Variants in ADAMTS12 observed in about 807,000 individuals in gnomAD.
The protein encoded by ADAMTS12 is ADAM metallopeptidase with thrombospondin type 1 motif 12.
Under a neutral mutation model 167.8 loss-of-function variants are expected in ADAMTS12, and 118 were observed. That is an observed-to-expected ratio of 0.70 (90% CI 0.61 to 0.82). The LOEUF (loss-of-function observed/expected upper bound fraction) is 0.82. ADAMTS12 is among the 40% of genes least tolerant of loss of function. The pLI is 0.00. For synonymous variants in ADAMTS12, 704 were observed against 716.9 expected (o/e 0.98, Z 0.29); for missense variants, 1,916 against 1,998.8 (o/e 0.96, Z 0.79).
At chr5:33,664,614 C>A in intron 5 of ADAMTS12, among the ~76,000 whole-genome samples, 1 of 152,044 alleles carries the variant, frequency 6.6e-6, no homozygotes, top group East Asian at 1.9e-4. Context: ...TCGTCTCATA[C>A]CTGTTAAAGT....
At chr5:33,557,253 TG>T (rs769455447) in intron 20 of ADAMTS12, among the ~76,000 whole-genome samples, 9 of 152,176 alleles carry the variant, frequency 5.9e-5, no homozygotes, top group Non-Finnish European at 8.8e-5. Flanking sequence ...GCTGGAATAA[TG>T]TAGAAAATTC....
At chr5:33,601,099 A>T (rs2112050711) in intron 16 of ADAMTS12, among the ~76,000 whole-genome samples, 1 of 123,376 alleles carries the variant, frequency 8.1e-6, no homozygotes, top group South Asian at 3.0e-4. Context: ...GCTCAAACAC[A>T]TTTAAGAGTG....
chr5:33,730,670 A>C (rs1478197097), intron 3 of ADAMTS12, among the ~76,000 whole-genome samples: 6 of 152,210 alleles, frequency 3.9e-5, no homozygotes, highest in Admixed American at 3.9e-4. Flanking sequence ...CAAAAGACAG[A>C]AAGATTCATC....
chr5:33,720,227 TAA>T (rs1490767627), intron 3 of ADAMTS12, among the ~76,000 whole-genome samples: 1 of 151,788 alleles, frequency 6.6e-6, no homozygotes, highest in Non-Finnish European at 1.5e-5. Flanking sequence ...ATCAATGTAT[TAA>T]GTTTTTTGAA....
rs10060691 is a variant in ADAMTS12 at position 33,539,860 on chromosome 5, G to T, written c.4447-4868C>A. On this transcript the variant is annotated intron_variant, in intron 22 of 23. Transcript: ENST00000504830. ...AGATGGCTGAATAGGAAGAGCTCTGGTCTGCAGCTCCCAGCGAGATCGACA... is the reference window on the plus strand; with the variant it reads ...AGATGGCTGAATAGGAAGAGCTCTGTTCTGCAGCTCCCAGCGAGATCGACA... 8.6e-3 allele frequency among the ~76,000 whole-genome samples: 1,111 copies of T among 128,756 alleles called. 12 individuals carry two copies. The highest frequency in any genetic ancestry group is 0.03 in the African/African-American group (1,050 of 34,710). The allele number at this position is 128,756 out of a possible 152,430, so 84.5% of individuals were successfully genotyped here.
chr5:33,624,218 AT>A lies in ADAMTS12; in HGVS notation c.2143+12del. The A allele has an allele frequency of 1.2e-6, 2 of 1,613,702 alleles. No individual in the cohort carries two copies. The highest frequency in any genetic ancestry group is 1.7e-6 in the Non-Finnish European group (2 of 1,179,834). On this transcript the variant is annotated intron_variant, in intron 14 of 23. Transcript: ENST00000504830. ...TGGTCCCCTGCCACTTCGATTATTT[AT>A]TTGTTTATTACCAGATCCTTCCTTC...
chr5:33,613,981 TCAAA>T (rs1738855329), intron 16 of ADAMTS12, among the ~76,000 whole-genome samples: 1 of 152,206 alleles, frequency 6.6e-6, no homozygotes, highest in Non-Finnish European at 1.5e-5. Flanking sequence ...AATGAAACAT[TCAAA>T]CAAAGGTTTT....
At chr5:33,755,197 G>C (rs963637377) in intron 2 of ADAMTS12, among the ~76,000 whole-genome samples, 2 of 152,134 alleles carry the variant, frequency 1.3e-5, no homozygotes, top group Non-Finnish European at 2.9e-5. Context: ...ACACAAAAAG[G>C]CTACTAGTTC....
chr5:33,560,264 C>T (rs1745674121), intron 20 of ADAMTS12, among the ~76,000 whole-genome samples: 1 of 152,056 alleles, frequency 6.6e-6, no homozygotes, highest in African/African-American at 2.4e-5. Context: ...ATTTGCTCAT[C>T]CCTGATTTTA....
intron 18 of ADAMTS12, among the ~76,000 whole-genome samples, chr5:33,579,638 T>C (rs1373366833): frequency 6.6e-6 from 1 of 152,194 alleles, no homozygotes; most frequent in Non-Finnish European, 1.5e-5. Flanking sequence ...CTCTGAGAAA[T>C]AGCTTAAATT....
chr5:33,599,850 A>G (rs1738101656), intron 16 of ADAMTS12, among the ~76,000 whole-genome samples: 1 of 152,220 alleles, frequency 6.6e-6, no homozygotes, highest in Non-Finnish European at 1.5e-5. Flanking sequence ...AGGGGGTTCA[A>G]ATCAGTCACC....
At chr5:33,888,103 G>A (rs1167601098) in intron 1 of ADAMTS12, 1 of 152,224 alleles carries the variant, frequency 6.6e-6, no homozygotes, top group East Asian at 1.9e-4. Context: ...TTGAGCAGGG[G>A]CCACGCTAAT....
chr5:33,763,685 C>A (rs145826590), intron 2 of ADAMTS12, among the ~76,000 whole-genome samples: 2 of 152,354 alleles, frequency 1.3e-5, no homozygotes, highest in Non-Finnish European at 2.9e-5. Flanking sequence ...AAGTACATTT[C>A]ATGTCACAAC....
At position 33,526,432 on chromosome 5, in the gene ADAMTS12, T is replaced by A. The variant is rs145818685; in HGVS notation, c.*756A>T. ...TCTGTAATATTAAGAAATTGATTTC[T>A]GCTCATTTGCATTTTACGAGTTTTC... On this transcript the variant is annotated 3_prime_UTR_variant, in exon 24 of 24. Coordinates refer to ENST00000504830, the MANE Select transcript of ADAMTS12 (RefSeq NM_030955.4). The A allele has an allele frequency of 2.6e-5, 4 of 152,254 alleles. No individual in the cohort carries two copies. Among genetic ancestry groups the A allele is most frequent in the Non-Finnish European group, 4.4e-5 (3 of 68,038 alleles). The allele number at this position is 152,254 out of a possible 1,614,324, so 9.4% of individuals were successfully genotyped here. A position where few individuals can be genotyped will look rare whatever the true frequency, so the allele number is the denominator to read the frequency against.
intron 2 of ADAMTS12, among the ~76,000 whole-genome samples, chr5:33,760,952 C>T (rs1745335311): frequency 6.6e-6 from 1 of 151,610 alleles, no homozygotes; most frequent in Admixed American, 6.6e-5. Context: ...AATCCATAAA[C>T]CCACATTTGC....
At chr5:33,698,989 T>A (rs1742888018) in intron 3 of ADAMTS12, among the ~76,000 whole-genome samples, 1 of 152,130 alleles carries the variant, frequency 6.6e-6, no homozygotes, top group African/African-American at 2.4e-5. Flanking sequence ...AAACCCCGTC[T>A]CAACTAAAAC....
intron 14 of ADAMTS12, among the ~76,000 whole-genome samples, chr5:33,621,242 A>G (rs1332600586): frequency 6.6e-6 from 1 of 152,052 alleles, no homozygotes; most frequent in Non-Finnish European, 1.5e-5. Context: ...TACTAAAAAA[A>G]TACAAAAATT....
At chr5:33,849,145 C>T (rs1345670102) in intron 2 of ADAMTS12, among the ~76,000 whole-genome samples, 1 of 86,506 alleles carries the variant, frequency 1.2e-5, no homozygotes, top group East Asian at 2.9e-4. Flanking sequence ...ATATGTATTG[C>T]ATAGCAATAT....
chr5:33,793,173 CTAATCT>C, intron 2 of ADAMTS12, among the ~76,000 whole-genome samples: 1 of 152,190 alleles, frequency 6.6e-6, no homozygotes, highest in Non-Finnish European at 1.5e-5. Context: ...AGATAAAGGA[CTAATCT>C]TATTTTATTC....
Sources: gnomAD v4.1 joint callset for allele counts (sites outside exome capture counted in the v4.1 genomes callset) on GRCh38, gnomAD v4.1.1 for gene constraint, MANE v1.5 for transcripts, NCBI Gene and HGNC (gene_info 2026-07-23, HGNC 2026-07-21) for gene names.